CNTN5: variants seen among roughly 807,000 people sequenced by gnomAD.
The protein encoded by CNTN5 is contactin-5.
Under a neutral mutation model 129.1 loss-of-function variants are expected in CNTN5, and 77 were observed. The ratio of observed to expected loss-of-function variants is 0.60; its 90% CI spans 0.50 to 0.72. CNTN5 has a LOEUF of 0.72. CNTN5 is among the 30% of genes least tolerant of loss of function. CNTN5 has a pLI of 0.00. For missense variants in CNTN5, 1,478 were observed against 1,328.8 expected, an observed-to-expected ratio of 1.11 and a Z score of -1.75; for synonymous variants, 509 against 465.6, an observed-to-expected ratio of 1.09 and a Z score of -1.20.
At chr11:100,334,388 T>G (rs1012560046) in intron 21 of CNTN5, among the ~76,000 whole-genome samples, 3 of 152,190 alleles carry the variant, frequency 2.0e-5, no homozygotes, top group Admixed American at 6.5e-5. Flanking sequence ...CTTAAAGGAC[T>G]AAAAGTAGAT....
chr11:99,417,515 A>T (rs540594937), intron 2 of CNTN5, among the ~76,000 whole-genome samples: 73 of 152,208 alleles, frequency 4.8e-4, no homozygotes, highest in African/African-American at 1.7e-3. Flanking sequence ...TAAGAGTTTG[A>T]TTTCACTTTA....
At chr11:99,879,668 A>C (rs11221742) in intron 6 of CNTN5, among the ~76,000 whole-genome samples, 14,400 of 152,232 alleles carry the variant, frequency 0.095, 1,341 homozygotes, top group East Asian at 0.42. Context: ...GCTACCGTTT[A>C]TTGAGTTCGT....
At chr11:99,351,228 C>T (rs1333477691) in intron 2 of CNTN5, among the ~76,000 whole-genome samples, 2 of 152,260 alleles carry the variant, frequency 1.3e-5, no homozygotes, top group East Asian at 3.9e-4. Flanking sequence ...CTATTGTGTA[C>T]TGATATAGAG....
intron 2 of CNTN5, among the ~76,000 whole-genome samples, chr11:99,492,269 A>G (rs1467455283): frequency 1.3e-5 from 2 of 152,058 alleles, no homozygotes; most frequent in African/African-American, 4.8e-5. Flanking sequence ...TCTGGTGATC[A>G]TTATGAAAAA....
intron 2 of CNTN5, among the ~76,000 whole-genome samples, chr11:99,447,933 A>G (rs1291977124): frequency 6.6e-6 from 1 of 152,208 alleles, no homozygotes; most frequent in East Asian, 1.9e-4. Flanking sequence ...TAAAAATAAA[A>G]TAAAATAAAA....
chr11:100,212,349 G>T (rs1304571388), intron 15 of CNTN5, among the ~76,000 whole-genome samples: 1 of 152,100 alleles, frequency 6.6e-6, no homozygotes. Flanking sequence ...TTTGTTGAGA[G>T]ATTTCTGAAC....
At chr11:99,270,262 G>A (rs944147259) in intron 1 of CNTN5, among the ~76,000 whole-genome samples, 40 of 151,840 alleles carry the variant, frequency 2.6e-4, no homozygotes, top group African/African-American at 8.9e-4. Context: ...CCACAATAGA[G>A]TGGATATTTA....
At chr11:99,479,027 A>C (rs983929539) in intron 2 of CNTN5, among the ~76,000 whole-genome samples, 1 of 152,096 alleles carries the variant, frequency 6.6e-6, no homozygotes, top group Non-Finnish European at 1.5e-5. Flanking sequence ...AATAGACCCC[A>C]TTCATCAAAA....
intron 3 of CNTN5, among the ~76,000 whole-genome samples, chr11:99,762,270 T>C (rs1944607536): frequency 6.8e-6 from 1 of 147,652 alleles, no homozygotes; most frequent in Non-Finnish European, 1.5e-5. Flanking sequence ...TTTAGTTTAA[T>C]TAGATCCCAT....
chr11:99,429,143 A>G (rs151233173), intron 2 of CNTN5, among the ~76,000 whole-genome samples: 248 of 152,288 alleles, frequency 1.6e-3, no homozygotes, highest in African/African-American at 5.4e-3. Flanking sequence ...CAATAATTCT[A>G]AAGCCACCTT....
chr11:100,140,380 G>C (rs1946657101), intron 13 of CNTN5, among the ~76,000 whole-genome samples: 1 of 152,126 alleles, frequency 6.6e-6, no homozygotes, highest in Admixed American at 6.6e-5. Flanking sequence ...AAGTAAAAGA[G>C]GCAAGAACAT....
At chr11:100,091,342 TTCTCTCACACA>T (rs1944774295) in intron 13 of CNTN5, among the ~76,000 whole-genome samples, 1 of 151,894 alleles carries the variant, frequency 6.6e-6, no homozygotes, top group African/African-American at 2.4e-5. Context: ...TCCTTGTTAC[TTCTCTCACACA>T]TCTCATCTGG....
At chr11:99,853,543 G>GCATGCGCCAC (rs1947942382) in intron 6 of CNTN5, among the ~76,000 whole-genome samples, 1 of 152,006 alleles carries the variant, frequency 6.6e-6, no homozygotes, top group South Asian at 2.1e-4. Context: ...GAGATTACAG[G>GCATGCGCCAC]CATGCGCCAC....
intron 6 of CNTN5, among the ~76,000 whole-genome samples, chr11:99,905,655 A>AG (rs1187976384): frequency 1.3e-5 from 2 of 152,068 alleles, no homozygotes; most frequent in East Asian, 1.9e-4. Context: ...AATTTAAAGT[A>AG]ATTTTTTCTA....
At chr11:99,968,188 G>A (rs574322383) in intron 8 of CNTN5, among the ~76,000 whole-genome samples, 1 of 152,238 alleles carries the variant, frequency 6.6e-6, no homozygotes, top group African/African-American at 2.4e-5. Flanking sequence ...GAGTTAGATA[G>A]TGTAGTAGAG....
intron 21 of CNTN5, among the ~76,000 whole-genome samples, chr11:100,312,560 C>T (rs896701598): frequency 6.6e-6 from 1 of 152,024 alleles, no homozygotes; most frequent in Non-Finnish European, 1.5e-5. Flanking sequence ...CTCTTTTTCA[C>T]TCTATCCCTA....
chr11:100,193,303 C>T (rs1164475558), intron 14 of CNTN5, among the ~76,000 whole-genome samples, 185 bp from the exon 15 acceptor site: 1 of 151,782 alleles, frequency 6.6e-6, no homozygotes, highest in Non-Finnish European at 1.5e-5. Context: ...TCATTTCTCC[C>T]CTACAAAAAC....
rs1484659436 is a variant in CNTN5 at position 99,334,250 on chromosome 11, T to C, written c.-71+8766T>C. Among the ~76,000 whole-genome samples the C allele has an allele frequency of 2.0e-5, 3 of 152,074 alleles. No homozygotes were observed. The East Asian group carries it at 5.8e-4, about 29-fold the overall frequency. Reference sequence around the variant, plus strand: ...TAAAAATAGAATGTGAGAAGATAGATGGGCCTCTAGAAATACACACAGGAC... The same window carrying C: ...TAAAAATAGAATGTGAGAAGATAGACGGGCCTCTAGAAATACACACAGGAC... On this transcript the variant is annotated intron_variant, in intron 2 of 24. Transcript: ENST00000524871.
chr11:99,802,066 T>A (rs1233682130), intron 3 of CNTN5, among the ~76,000 whole-genome samples: 2 of 152,358 alleles, frequency 1.3e-5, no homozygotes, highest in East Asian at 1.9e-4. Flanking sequence ...ATTATTGTTT[T>A]GTTTTTAATT....
Sources: gnomAD v4.1 joint callset for allele counts (sites outside exome capture counted in the v4.1 genomes callset) on GRCh38, gnomAD v4.1.1 for gene constraint, MANE v1.5 for transcripts, NCBI Gene and HGNC (gene_info 2026-07-23, HGNC 2026-07-21) for gene names.